The following GPC6 variants were observed in gnomAD, a reference collection of about 807,000 sequenced individuals.
GPC6 encodes glypican-6.
Under a neutral mutation model 55.2 loss-of-function variants are expected in GPC6, and 14 were observed. The ratio of observed to expected loss-of-function variants is 0.25; its 90% confidence interval spans 0.17 to 0.40. The LOEUF is 0.40. GPC6 is among the 10% of genes least tolerant of loss of function. The probability of loss-of-function intolerance (pLI) is 1.00; values close to 1 mark genes in which losing one functional copy is unlikely to be tolerated. For missense variants in GPC6, 641 were observed against 708.5 expected, an observed-to-expected ratio of 0.90 and a Z score of 1.08; for synonymous variants, 278 against 259.6, an observed-to-expected ratio of 1.07 and a Z score of -0.68.
At chr13:93,315,759 A>ACT (rs1555290122) in intron 1 of GPC6, among the ~76,000 whole-genome samples, 15 of 150,580 alleles carry the variant, frequency 1.0e-4, no homozygotes, top group African/African-American at 3.7e-4. Context: ...GTTTTCTTCA[A>ACT]TTTTTTTTTA....
At chr13:94,262,501 C>T (rs149346012) in intron 4 of GPC6, among the ~76,000 whole-genome samples, 25 of 151,978 alleles carry the variant, frequency 1.6e-4, no homozygotes, top group African/African-American at 4.3e-4. Flanking sequence ...GGTGAAACCC[C>T]GTCTCTACTA....
intron 5 of GPC6, among the ~76,000 whole-genome samples, chr13:94,295,250 G>A (rs1875260029): frequency 6.6e-6 from 1 of 152,170 alleles, no homozygotes. Flanking sequence ...TCATAAGGTT[G>A]TTTGAGAGCA....
At chr13:94,344,743 A>C (rs1352976277) in intron 6 of GPC6, among the ~76,000 whole-genome samples, 1 of 152,218 alleles carries the variant, frequency 6.6e-6, no homozygotes, top group East Asian at 1.9e-4. Flanking sequence ...ATCTGCAACT[A>C]TTTAACCCTT....
chr13:93,453,971 G>C (rs562571977), intron 1 of GPC6, among the ~76,000 whole-genome samples: 8 of 152,082 alleles, frequency 5.3e-5, no homozygotes, highest in Non-Finnish European at 7.4e-5. Context: ...TTGGTAGAGC[G>C]GAGTGGTCTG....
chr13:93,505,228 T>C (rs9301890), intron 1 of GPC6, among the ~76,000 whole-genome samples: 44,244 of 151,992 alleles, frequency 0.29, 6,631 homozygotes, highest in African/African-American at 0.33. Flanking sequence ...GGCCTTGCTT[T>C]AGCCTCATTT....
intron 2 of GPC6, among the ~76,000 whole-genome samples, chr13:93,733,151 T>C (rs1234156275): frequency 6.6e-6 from 1 of 152,096 alleles, no homozygotes; most frequent in African/African-American, 2.4e-5. Context: ...TTATATTTGC[T>C]AATGGAGGAA....
intron 4 of GPC6, among the ~76,000 whole-genome samples, chr13:94,038,321 C>T (rs937570336): frequency 1.3e-5 from 2 of 151,714 alleles, no homozygotes; most frequent in African/African-American, 4.8e-5. Context: ...TTTCATTTTC[C>T]TAAAAAAAAT....
At chr13:94,384,792 C>G (rs993555314) in intron 7 of GPC6, among the ~76,000 whole-genome samples, 1 of 152,216 alleles carries the variant, frequency 6.6e-6, no homozygotes, top group Admixed American at 6.5e-5. Flanking sequence ...ATGGCAATAC[C>G]CTACCTCTTA....
intron 3 of GPC6, among the ~76,000 whole-genome samples, chr13:93,879,313 A>G (rs368839355): frequency 3.3e-5 from 5 of 152,278 alleles, no homozygotes; most frequent in Middle Eastern, 6.8e-3. Flanking sequence ...ACTTCAAACT[A>G]TACTACAAGG....
At chr13:93,814,854 C>T (rs913150626) in intron 2 of GPC6, among the ~76,000 whole-genome samples, 3 of 152,066 alleles carry the variant, frequency 2.0e-5, no homozygotes, top group Non-Finnish European at 2.9e-5. Context: ...CAGCAGTTGG[C>T]GCTGGAAGAG....
intron 1 of GPC6, among the ~76,000 whole-genome samples, chr13:93,331,076 A>G (rs1339333763): frequency 6.6e-6 from 1 of 152,032 alleles, no homozygotes; most frequent in Admixed American, 6.6e-5. Context: ...TGGGGGCTCT[A>G]TTTGGGGATT....
chr13:93,685,227 A>G (rs924438247), intron 2 of GPC6, among the ~76,000 whole-genome samples: 3 of 152,192 alleles, frequency 2.0e-5, no homozygotes, highest in South Asian at 4.1e-4. Context: ...CAGTGCCTGT[A>G]GTAGGACTGA....
chr13:94,275,825 G>T (rs1295841028), intron 4 of GPC6, among the ~76,000 whole-genome samples: 1 of 152,004 alleles, frequency 6.6e-6, no homozygotes, highest in Non-Finnish European at 1.5e-5. Flanking sequence ...CATATTAAAA[G>T]ATGTCCAACC....
rs553896877 is a variant in GPC6 at position 94,162,906 on chromosome 13, A to G, written c.878-123443A>G. On this transcript the variant is annotated intron_variant, in intron 4 of 8. Transcript: ENST00000377047. Reference sequence around the variant, plus strand: ...TTTAATGACACCATGGACATGGACAATAAGGGTTACATGTTGGGGTACAGA... The same window carrying G: ...TTTAATGACACCATGGACATGGACAGTAAGGGTTACATGTTGGGGTACAGA... 8.5e-5 allele frequency among the ~76,000 whole-genome samples: 13 copies of G among 152,314 alleles called. No individual in the cohort carries two copies. In the East Asian group the frequency reaches 2.1e-3, roughly 25 times the overall value.
At chr13:94,353,837 GGAGA>G (rs1260001314) in intron 6 of GPC6, among the ~76,000 whole-genome samples, 1 of 152,170 alleles carries the variant, frequency 6.6e-6, no homozygotes, top group African/African-American at 2.4e-5. Flanking sequence ...AAGAAGTTGT[GGAGA>G]GAGAGCAATA....
intron 4 of GPC6, among the ~76,000 whole-genome samples, chr13:94,204,778 C>A (rs2138980666): frequency 6.6e-6 from 1 of 152,204 alleles, no homozygotes; most frequent in East Asian, 1.9e-4. Flanking sequence ...ATTTTGTATC[C>A]TTCACTTCTA....
chr13:93,859,976 A>G (rs1450352469), intron 3 of GPC6, among the ~76,000 whole-genome samples: 2 of 151,710 alleles, frequency 1.3e-5, no homozygotes, highest in Admixed American at 1.3e-4. Context: ...GTGCCAGCAC[A>G]TCTGGCTGTA....
chr13:93,825,824 T>A (rs992376270), intron 2 of GPC6, among the ~76,000 whole-genome samples: 44 of 151,944 alleles, frequency 2.9e-4, no homozygotes, highest in African/African-American at 1.0e-3. Context: ...TTATAGGATG[T>A]CAGCTTTCAT....
chr13:94,277,312 T>C (rs1324133945), intron 4 of GPC6, among the ~76,000 whole-genome samples: 1 of 152,096 alleles, frequency 6.6e-6, no homozygotes, highest in Non-Finnish European at 1.5e-5. Flanking sequence ...TTAAGTTCCT[T>C]GTAGGTTTTA....
Sources: allele counts gnomAD v4.1 joint callset (sites outside exome capture counted in the v4.1 genomes callset), GRCh38; gene constraint gnomAD v4.1.1; transcripts MANE v1.5; gene names NCBI Gene and HGNC (gene_info 2026-07-23, HGNC 2026-07-21).